The following DDX43 variants were observed in gnomAD, a reference collection of about 807,000 sequenced individuals.
DDX43 encodes the protein DEAD-box helicase 43, also known as probable ATP-dependent RNA helicase DDX43.
In DDX43, 50 loss-of-function variants were observed where a neutral mutation model predicts 84.9. The observed-to-expected ratio is 0.59, with a 90% CI of 0.47 to 0.75. The LOEUF is 0.75. Among genes scored for constraint, DDX43 ranks in the 30% least tolerant of loss-of-function variants. DDX43 has a pLI of 0.00. For missense variants in DDX43, 689 were observed against 798.6 expected, an observed-to-expected ratio of 0.86 and a Z score of 1.65; for synonymous variants, 291 against 266.3, an observed-to-expected ratio of 1.09 and a Z score of -0.90.
At position 73,394,968 on chromosome 6, in the gene DDX43, G is replaced by A; in HGVS notation, c.63G>A (p.Ser21=). The A allele has an allele frequency of 2.5e-6, 4 of 1,614,272 alleles. No individual in the cohort carries two copies. The highest frequency in any genetic ancestry group is 3.4e-6 in the Non-Finnish European group (4 of 1,180,042). ...GGGTCGTTGCTAGTCGGCGAAGCTC[G>A]ACAGTGTCCCGAGCGCCAGAGAGGA... ...STWVVASRRS[S]TVSRAPERRP... Residue 21 remains serine (S), a synonymous_variant, in exon 1 of 17, where the codon TCG becomes TCA. Transcript: ENST00000370336.
At chr6:73,397,185 G>A (rs971056967) in intron 1 of DDX43, among the ~76,000 whole-genome samples, 1 of 152,090 alleles carries the variant, frequency 6.6e-6, no homozygotes, top group Non-Finnish European at 1.5e-5. Flanking sequence ...GTACACAGGG[G>A]TTCCAATTTC....
At chr6:73,402,706 A>G (rs1769599968) in intron 4 of DDX43, among the ~76,000 whole-genome samples, 1 of 152,136 alleles carries the variant, frequency 6.6e-6, no homozygotes, top group Non-Finnish European at 1.5e-5. Flanking sequence ...CAGCCTCCCA[A>G]GTACCTGGGA....
Position 73,394,836 on chromosome 6 carries a change from C to G in DDX43, c.-70C>G. The stretch of plus-strand genomic sequence containing the variant: ...TGCGTGGCTTCCCTGGCACGCTACT[C>G]TTACGACGTCACGGTCAGGTGGTGC... On this transcript the variant is annotated 5_prime_UTR_variant, in exon 1 of 17. Transcript: ENST00000370336. The G allele has an allele frequency of 1.3e-6, 2 of 1,574,554 alleles. No homozygotes were observed. The highest frequency in any genetic ancestry group is 1.7e-6 in the Non-Finnish European group (2 of 1,161,010).
intron 3 of DDX43, 36 bp downstream of exon 3, chr6:73,400,399 T>C: frequency 1.0e-5 from 16 of 1,553,848 alleles, no homozygotes; most frequent in Non-Finnish European, 1.3e-5. Context: ...CCTTTAAAAG[T>C]TTTTAATTTC....
chr6:73,397,602 T>G, intron 1 of DDX43, 87 bp from the exon 2 acceptor site: 3 of 1,048,404 alleles, frequency 2.9e-6, no homozygotes, highest in Non-Finnish European at 4.3e-6. Context: ...GGGGAAGAAC[T>G]AGAGAATGTT....
chr6:73,405,416 C>G (rs1042797104), intron 5 of DDX43, among the ~76,000 whole-genome samples: 2 of 152,194 alleles, frequency 1.3e-5, no homozygotes, highest in African/African-American at 4.8e-5. Flanking sequence ...GCATGATTTT[C>G]AGGCTCCTCA....
intron 1 of DDX43, among the ~76,000 whole-genome samples, chr6:73,395,910 T>A (rs1024240454): frequency 2.0e-5 from 3 of 152,104 alleles, no homozygotes; most frequent in Non-Finnish European, 4.4e-5. Context: ...TAAAAACTTT[T>A]CTTACTACAT....
chr6:73,404,639 T>C (rs760290799), intron 4 of DDX43, 51 bp from the exon 5 acceptor site: 12 of 1,308,316 alleles, frequency 9.2e-6, no homozygotes, highest in Middle Eastern at 1.8e-4. Context: ...TGACTAAGTA[T>C]TCATGATGCT....
intron 4 of DDX43, among the ~76,000 whole-genome samples, chr6:73,403,095 A>G (rs1349800712): frequency 2.0e-5 from 3 of 152,232 alleles, no homozygotes; most frequent in Non-Finnish European, 4.4e-5. Context: ...TGTGTGGCCT[A>G]AACAGTTTGT....
chr6:73,407,688 A>G, intron 8 of DDX43, 73 bp downstream of exon 8: 30 of 1,102,478 alleles, frequency 2.7e-5, no homozygotes, highest in Non-Finnish European at 3.8e-5. Flanking sequence ...CATCTTCCCC[A>G]TCATTTTTCA....
Position 73,409,356 on chromosome 6 carries a change from T to C in DDX43, c.1280+8T>C. 1 of 1,581,434 alleles carries C rather than the reference T, an allele frequency of 6.3e-7. No homozygotes were observed. Among genetic ancestry groups the C allele is most frequent in the Non-Finnish European group, 8.7e-7 (1 of 1,150,350 alleles). On this transcript the variant is annotated splice_region_variant and intron_variant, in intron 10 of 16. Coordinates refer to ENST00000370336, the MANE Select transcript of DDX43 (RefSeq NM_018665.3). ...GCAGACAGTTATGACCAGGTACGTA[T>C]ATGCTTAATTACTGTGTGCAGAATA... is the stretch of plus-strand genomic sequence containing the variant.
chr6:73,406,840 CT>C (rs1219111966), intron 7 of DDX43: 1 of 154,276 alleles, frequency 6.5e-6, no homozygotes, highest in African/African-American at 2.4e-5. Context: ...GGGTGTGTGG[CT>C]TTTTAAAATT....
rs755913342 is a variant in DDX43, at chr6:73,416,097, C to T, written c.1834-16C>T. On this transcript the variant is annotated splice_polypyrimidine_tract_variant and intron_variant, in intron 15 of 16. Coordinates refer to ENST00000370336, the MANE Select transcript of DDX43 (RefSeq NM_018665.3). ...AGAACTCAGAATCCTAATAACAACA[C>T]GTTGAATAATTTCAGAGTATTCCAG... The T allele has an allele frequency of 4.7e-6, 6 of 1,288,860 alleles. No homozygotes were observed. The African/African-American group carries it at 5.8e-5, about 12-fold the overall frequency. 79.8% of individuals were successfully genotyped at this position (1,288,860 alleles called of 1,614,324 possible).
In DDX43 at chr6:73,394,849, G is replaced by T; in HGVS notation, c.-57G>T. The T allele has an allele frequency of 6.3e-7, 1 of 1,588,334 alleles. No individual in the cohort carries two copies. Among genetic ancestry groups the T allele is most frequent in the South Asian group, 1.2e-5 (1 of 86,910 alleles). On this transcript the variant is annotated 5_prime_UTR_variant, in exon 1 of 17. Transcript: ENST00000370336. ...TGGCACGCTACTCTTACGACGTCACGGTCAGGTGGTGCAGAGCTGGACGGC... is the reference window on the plus strand; with the variant it reads ...TGGCACGCTACTCTTACGACGTCACTGTCAGGTGGTGCAGAGCTGGACGGC...
intron 2 of DDX43, among the ~76,000 whole-genome samples, chr6:73,398,308 G>A (rs1019933967): frequency 1.3e-5 from 2 of 152,030 alleles, no homozygotes; most frequent in East Asian, 3.9e-4. Flanking sequence ...CTGGAGTGCA[G>A]TGGCACGATC....
intron 4 of DDX43, 149 bp from the exon 5 acceptor site, chr6:73,404,541 A>G: frequency 1.6e-6 from 1 of 634,908 alleles, no homozygotes; most frequent in East Asian, 2.8e-5. Flanking sequence ...GATCTCTTCG[A>G]TGGGAGCAAG....
At chr6:73,404,867 C>G (rs967574393) in intron 5 of DDX43, 96 bp downstream of exon 5, 1 of 916,598 alleles carries the variant, frequency 1.1e-6, no homozygotes, top group Non-Finnish European at 1.7e-6. Context: ...TTGAAGGCTA[C>G]GCCTTCAATA....
intron 15 of DDX43, 25 bp from the exon 16 acceptor site, chr6:73,416,088 A>G (rs1480886668): frequency 8.2e-7 from 1 of 1,223,194 alleles, no homozygotes; most frequent in Non-Finnish European, 1.2e-6. Flanking sequence ...CAGAATCCTA[A>G]TAACAACACG....
chr6:73,407,705 C>G (rs769769929), intron 8 of DDX43, 90 bp downstream of exon 8: 214 of 999,226 alleles, frequency 2.1e-4, no homozygotes, highest in Non-Finnish European at 3.1e-4. Flanking sequence ...TTCACACATT[C>G]AGAGAATCCA....
Sources: allele counts gnomAD v4.1 joint callset (sites outside exome capture counted in the v4.1 genomes callset), GRCh38; gene constraint gnomAD v4.1.1; transcripts MANE v1.5; gene names NCBI Gene and HGNC (gene_info 2026-07-23, HGNC 2026-07-21).